The following STAU2 variants were observed in gnomAD, a reference collection of about 807,000 sequenced individuals.
STAU2 encodes the protein double-stranded RNA-binding protein Staufen homolog 2.
In STAU2, 20 loss-of-function variants were observed where a neutral mutation model predicts 65.9. The observed-to-expected ratio is 0.30, with a 90% CI of 0.21 to 0.44. The LOEUF is 0.44. Ranked by LOEUF, STAU2 falls within the 20% of genes least tolerant of loss-of-function variation. The pLI is 1.00. For missense variants in STAU2, 558 were observed against 683.9 expected (o/e 0.82, Z 2.05); for synonymous variants, 232 against 233.9 (o/e 0.99, Z 0.07).
At chr8:73,508,307 G>A (rs960670329) in intron 13 of STAU2, among the ~76,000 whole-genome samples, 1 of 152,270 alleles carries the variant, frequency 6.6e-6, no homozygotes, top group East Asian at 1.9e-4. Context: ...CTGTTGTAGG[G>A]TTATTAATTG....
chr8:73,437,057 C>T (rs1563590414), intron 13 of STAU2, among the ~76,000 whole-genome samples: 1 of 152,122 alleles, frequency 6.6e-6, no homozygotes, highest in Non-Finnish European at 1.5e-5. Flanking sequence ...TCAACAATGT[C>T]CTTTAAAGTC....
At chr8:73,494,411 G>C (rs1315436789) in intron 13 of STAU2, among the ~76,000 whole-genome samples, 1 of 151,718 alleles carries the variant, frequency 6.6e-6, no homozygotes, top group Non-Finnish European at 1.5e-5. Flanking sequence ...CTCTTGGTGT[G>C]TGTGTGCATG....
intron 13 of STAU2, among the ~76,000 whole-genome samples, chr8:73,463,389 A>G (rs1186436240): frequency 6.6e-6 from 1 of 152,208 alleles, no homozygotes; most frequent in Non-Finnish European, 1.5e-5. Flanking sequence ...TTCATTTCCT[A>G]TGTGCCAGTT....
intron 13 of STAU2, chr8:73,439,205 C>T: frequency 2.8e-6 from 1 of 360,232 alleles, no homozygotes; most frequent in South Asian, 2.1e-5. Flanking sequence ...AAGACATGTG[C>T]ACAGCTGGCA....
At chr8:73,683,470 A>G (rs545528041) in intron 5 of STAU2, among the ~76,000 whole-genome samples, 4 of 152,304 alleles carry the variant, frequency 2.6e-5, no homozygotes, top group Admixed American at 2.0e-4. Flanking sequence ...TAAGGTAATA[A>G]AAGCATCTAT....
intron 6 of STAU2, among the ~76,000 whole-genome samples, chr8:73,666,889 G>A (rs1817279392): frequency 6.6e-6 from 1 of 152,070 alleles, no homozygotes; most frequent in African/African-American, 2.4e-5. Context: ...ACTACCTCTT[G>A]CCACGTCTAC....
chr8:73,599,131 A>G (rs1200623626), intron 10 of STAU2, among the ~76,000 whole-genome samples: 8 of 152,236 alleles, frequency 5.3e-5, no homozygotes. Context: ...CAATACTTGA[A>G]CAAGATGATT....
intron 13 of STAU2, among the ~76,000 whole-genome samples, chr8:73,466,393 C>T (rs60585132): frequency 0.021 from 3,126 of 152,190 alleles, 103 homozygotes; most frequent in African/African-American, 0.073. Flanking sequence ...GCTTGAGCAA[C>T]GCCTTTCTAC....
intron 12 of STAU2, among the ~76,000 whole-genome samples, chr8:73,563,192 C>T (rs950003566): frequency 2.6e-5 from 4 of 152,204 alleles, no homozygotes; most frequent in African/African-American, 9.7e-5. Context: ...CTCTCCCCAA[C>T]TTCCCTGATG....
chr8:73,630,988 T>G (rs1297191569), intron 6 of STAU2, among the ~76,000 whole-genome samples: 4 of 152,174 alleles, frequency 2.6e-5, no homozygotes, highest in Non-Finnish European at 5.9e-5. Context: ...CCATTAGCGC[T>G]TGTACCATAC....
At chr8:73,720,991 G>T (rs1457873218) in intron 3 of STAU2, among the ~76,000 whole-genome samples, 1 of 150,768 alleles carries the variant, frequency 6.6e-6, no homozygotes, top group Non-Finnish European at 1.5e-5. Flanking sequence ...TTTAAGACTT[G>T]TTTCATGGCC....
At chr8:73,616,802 A>C (rs1344852025) in intron 7 of STAU2, among the ~76,000 whole-genome samples, 2 of 151,930 alleles carry the variant, frequency 1.3e-5, no homozygotes, top group Non-Finnish European at 2.9e-5. Flanking sequence ...CATCTCAAAA[A>C]AAAAAGGAAG....
intron 13 of STAU2, chr8:73,550,029 T>C (rs1807216468): frequency 1.0e-6 from 1 of 985,606 alleles, no homozygotes; most frequent in Non-Finnish European, 1.2e-6. Context: ...AGATGGGCTA[T>C]GCATGTGGCC....
At chr8:73,663,957 T>C (rs764825364) in intron 6 of STAU2, among the ~76,000 whole-genome samples, 2 of 152,246 alleles carry the variant, frequency 1.3e-5, no homozygotes, top group Non-Finnish European at 2.9e-5. Flanking sequence ...TACAGAATCA[T>C]GGTGTCTATG....
At chr8:73,467,459 G>A (rs1043231814) in intron 13 of STAU2, among the ~76,000 whole-genome samples, 1 of 152,176 alleles carries the variant, frequency 6.6e-6, no homozygotes, top group Admixed American at 6.5e-5. Context: ...GTGAACCCGG[G>A]AGGAGGAGCT....
At chr8:73,663,247 A>C (rs936241607) in intron 6 of STAU2, among the ~76,000 whole-genome samples, 11 of 152,216 alleles carry the variant, frequency 7.2e-5, no homozygotes, top group African/African-American at 2.4e-4. Context: ...CACTTTACTG[A>C]CACACACTAG....
intron 10 of STAU2, among the ~76,000 whole-genome samples, chr8:73,601,018 C>G (rs1811595562): frequency 6.6e-6 from 1 of 152,178 alleles, no homozygotes; most frequent in Non-Finnish European, 1.5e-5. Context: ...CACAAGTCAT[C>G]TTCCTTGAGA....
intron 12 of STAU2, among the ~76,000 whole-genome samples, chr8:73,559,326 G>A (rs1280507392): frequency 6.6e-6 from 1 of 152,218 alleles, no homozygotes; most frequent in African/African-American, 2.4e-5. Flanking sequence ...CCCCAGAACA[G>A]GGTGGTGATG....
chr8:73,444,685 C>G (rs1033940400), intron 13 of STAU2, among the ~76,000 whole-genome samples: 7 of 152,190 alleles, frequency 4.6e-5, no homozygotes, highest in African/African-American at 1.2e-4. Flanking sequence ...ATCTTTAACA[C>G]TAACACTGGC....
Sources: gnomAD v4.1 joint callset for allele counts (sites outside exome capture counted in the v4.1 genomes callset) on GRCh38, gnomAD v4.1.1 for gene constraint, MANE v1.5 for transcripts, NCBI Gene and HGNC (gene_info 2026-07-23, HGNC 2026-07-21) for gene names.